Variants in WASF1 observed in about 807,000 individuals in gnomAD.
WASF1 encodes actin-binding protein WASF1.
A neutral mutation model predicts 50.5 loss-of-function variants in WASF1; 7 were observed. The ratio of observed to expected loss-of-function variants is 0.14; its 90% confidence interval spans 0.08 to 0.26. The LOEUF (loss-of-function observed/expected upper bound fraction) is 0.26. Among genes scored for constraint, WASF1 ranks in the 10% least tolerant of loss-of-function variants. The probability of loss-of-function intolerance (pLI) is 1.00; values close to 1 mark genes in which losing one functional copy is unlikely to be tolerated. For synonymous variants in WASF1, 205 were observed against 244.0 expected, an observed-to-expected ratio of 0.84 and a Z score of 1.49; for missense variants, 470 against 694.7, an observed-to-expected ratio of 0.68 and a Z score of 3.64.
intron 4 of WASF1, 89 bp downstream of exon 4, chr6:110,127,380 C>T (rs1405822284): frequency 6.8e-6 from 8 of 1,183,186 alleles, no homozygotes; most frequent in Non-Finnish European, 9.0e-6. Context: ...CCAAATCATA[C>T]TCCCAAATTA....
At chr6:110,134,233 T>C (rs1306146817) in intron 3 of WASF1, among the ~76,000 whole-genome samples, 3 of 152,022 alleles carry the variant, frequency 2.0e-5, no homozygotes, top group Non-Finnish European at 2.9e-5. Context: ...TTGATCTTTT[T>C]ATAAGGTGAG....
chr6:110,178,989 A>G (rs1353238877), intron 1 of WASF1, among the ~76,000 whole-genome samples: 1 of 152,198 alleles, frequency 6.6e-6, no homozygotes, highest in East Asian at 1.9e-4. Context: ...CGACTCGCGG[A>G]GCAAACACGC....
intron 2 of WASF1, among the ~76,000 whole-genome samples, chr6:110,166,872 C>T: frequency 6.6e-6 from 1 of 151,942 alleles, no homozygotes; most frequent in East Asian, 1.9e-4. Flanking sequence ...ACACAAAACT[C>T]AAAAATGTTT....
intron 3 of WASF1, among the ~76,000 whole-genome samples, chr6:110,136,748 CTTTA>C (rs1774987136): frequency 1.3e-5 from 2 of 152,234 alleles, no homozygotes; most frequent in African/African-American, 2.4e-5. Context: ...CTGCCTTTTG[CTTTA>C]TTTTTCTTTA....
chr6:110,146,633 T>A (rs1392229035), intron 3 of WASF1, among the ~76,000 whole-genome samples: 1 of 152,002 alleles, frequency 6.6e-6, no homozygotes, highest in East Asian at 1.9e-4. Context: ...ATTTGCAAGG[T>A]TATTGTTTAG....
intron 3 of WASF1, among the ~76,000 whole-genome samples, chr6:110,137,970 T>C (rs1775043677): frequency 6.6e-6 from 1 of 152,264 alleles, no homozygotes; most frequent in Admixed American, 6.5e-5. Context: ...CAGTGGCACC[T>C]GTGCCAGAGT....
At chr6:110,111,225 C>T (rs578248194) in intron 5 of WASF1, among the ~76,000 whole-genome samples, 1 of 151,852 alleles carries the variant, frequency 6.6e-6, no homozygotes, top group Admixed American at 6.6e-5. Flanking sequence ...GTTGAGTTAT[C>T]TGAAAAACAA....
At chr6:110,136,164 A>G (rs1267851482) in intron 3 of WASF1, among the ~76,000 whole-genome samples, 3 of 152,132 alleles carry the variant, frequency 2.0e-5, no homozygotes, top group East Asian at 1.9e-4. Flanking sequence ...GACTACAGGC[A>G]TGAGCCACTG....
intron 4 of WASF1, among the ~76,000 whole-genome samples, chr6:110,115,396 A>C (rs554228426): frequency 1.3e-5 from 2 of 152,198 alleles, no homozygotes; most frequent in South Asian, 2.1e-4. Context: ...CAAAAGAAGA[A>C]GGCAAGACAA....
chr6:110,100,887 C>T (rs927955477), intron 10 of WASF1, among the ~76,000 whole-genome samples: 2 of 152,108 alleles, frequency 1.3e-5, no homozygotes, highest in South Asian at 2.1e-4. Flanking sequence ...CCAGATATCC[C>T]AGTAGGTATC....
intron 2 of WASF1, among the ~76,000 whole-genome samples, chr6:110,171,284 G>T (rs1168168242): frequency 6.6e-6 from 1 of 151,962 alleles, no homozygotes; most frequent in East Asian, 1.9e-4. Flanking sequence ...AAAGATAGAT[G>T]GGAAAATCTC....
At chr6:110,151,123 G>A (rs1231715557) in intron 3 of WASF1, among the ~76,000 whole-genome samples, 1 of 152,184 alleles carries the variant, frequency 6.6e-6, no homozygotes, top group Admixed American at 6.5e-5. Flanking sequence ...TGACTAGAGA[G>A]AGTAAACCAC....
intron 3 of WASF1, among the ~76,000 whole-genome samples, chr6:110,149,025 A>G (rs1775704945): frequency 6.6e-6 from 1 of 152,214 alleles, no homozygotes; most frequent in Non-Finnish European, 1.5e-5. Flanking sequence ...CTATCCACAA[A>G]GTCTATGGGA....
At chr6:110,155,042 T>A (rs993106073) in intron 3 of WASF1, among the ~76,000 whole-genome samples, 2 of 152,208 alleles carry the variant, frequency 1.3e-5, no homozygotes, top group African/African-American at 4.8e-5. Flanking sequence ...ACCTTCACAG[T>A]GGAAGACTTC....
chr6:110,100,510 A>C lies in WASF1; in HGVS notation c.*12T>G. On this transcript the variant is annotated 3_prime_UTR_variant, in exon 11 of 11. Transcript: ENST00000392589. ...TGCATTCAGTTTTGTAATATTTATCAATGCATTTTTCTTACTCCAACCAAT... is the reference window on the plus strand; with the variant it reads ...TGCATTCAGTTTTGTAATATTTATCCATGCATTTTTCTTACTCCAACCAAT... 6.2e-7 allele frequency: 1 copy of C among 1,603,170 alleles called. No homozygotes were observed. The highest frequency in any genetic ancestry group is 1.3e-5 in the African/African-American group (1 of 74,782).
chr6:110,174,114 A>G (rs552988220), intron 2 of WASF1, among the ~76,000 whole-genome samples: 2 of 152,154 alleles, frequency 1.3e-5, no homozygotes, highest in South Asian at 2.1e-4. Context: ...CTGCAACCTC[A>G]TATCAAGTCA....
intron 4 of WASF1, among the ~76,000 whole-genome samples, chr6:110,119,977 A>G (rs1283101109): frequency 6.6e-6 from 1 of 152,210 alleles, no homozygotes; most frequent in African/African-American, 2.4e-5. Context: ...AAGGCCTTCA[A>G]CAAAATTCAA....
At chr6:110,103,347 G>T in intron 9 of WASF1, 31 bp downstream of exon 9, 1 of 1,598,670 alleles carries the variant, frequency 6.3e-7, no homozygotes, top group Non-Finnish European at 8.5e-7. Context: ...TGACTCCTAA[G>T]ATAAAACATC....
chr6:110,139,661 C>G (rs1281882992), intron 3 of WASF1, among the ~76,000 whole-genome samples: 1 of 152,194 alleles, frequency 6.6e-6, no homozygotes, highest in African/African-American at 2.4e-5. Context: ...TACACCACCA[C>G]TCCCACCAAT....
Sources: gnomAD v4.1 joint callset for allele counts (sites outside exome capture counted in the v4.1 genomes callset) on GRCh38, gnomAD v4.1.1 for gene constraint, MANE v1.5 for transcripts, NCBI Gene and HGNC (gene_info 2026-07-23, HGNC 2026-07-21) for gene names.